The following PKNOX2 variants were observed in gnomAD, a reference collection of about 807,000 sequenced individuals.
PKNOX2 encodes PBX/knotted 1 homeobox 2, also known as homeobox protein PKNOX2.
PKNOX2 carries 14 observed loss-of-function variants against 53.1 expected under a neutral mutation model. That is an observed-to-expected ratio of 0.26 (90% CI 0.17 to 0.41). The LOEUF is 0.41. Among genes scored for constraint, PKNOX2 ranks in the 10% least tolerant of loss-of-function variants. The probability of loss-of-function intolerance (pLI) is 1.00; values close to 1 mark genes in which losing one functional copy is unlikely to be tolerated. For synonymous variants in PKNOX2, 257 were observed against 242.8 expected (o/e 1.06, Z -0.54); for missense variants, 496 against 602.8 (o/e 0.82, Z 1.85).
intron 2 of PKNOX2, among the ~76,000 whole-genome samples, chr11:125,254,543 T>A (rs1386322555): frequency 6.6e-6 from 1 of 152,214 alleles, no homozygotes; most frequent in Non-Finnish European, 1.5e-5. Flanking sequence ...CAGTTTCACA[T>A]CTATACAATG....
chr11:125,187,818 G>C (rs912773003), intron 1 of PKNOX2, among the ~76,000 whole-genome samples: 2 of 152,164 alleles, frequency 1.3e-5, no homozygotes, highest in Non-Finnish European at 2.9e-5. Context: ...TTTGATAATG[G>C]GTCACTCCTA....
chr11:125,415,934 T>C (rs1004264803), intron 10 of PKNOX2, among the ~76,000 whole-genome samples: 9 of 152,224 alleles, frequency 5.9e-5, no homozygotes, highest in Admixed American at 6.5e-5. Flanking sequence ...ACTAAGGTCT[T>C]TTTCTAATTG....
At chr11:125,327,656 C>T (rs545943665) in intron 2 of PKNOX2, among the ~76,000 whole-genome samples, 47 of 152,278 alleles carry the variant, frequency 3.1e-4, no homozygotes, top group African/African-American at 1.1e-3. Flanking sequence ...CCGCGGCCAT[C>T]AGGGGTCTCC....
chr11:125,229,822 T>C (rs1942047704), intron 1 of PKNOX2, among the ~76,000 whole-genome samples: 1 of 152,172 alleles, frequency 6.6e-6, no homozygotes, highest in African/African-American at 2.4e-5. Context: ...CTCGAGGGTT[T>C]ACCTCTGCTG....
intron 10 of PKNOX2, among the ~76,000 whole-genome samples, chr11:125,428,131 T>C (rs1956516668): frequency 6.6e-6 from 1 of 152,138 alleles, no homozygotes; most frequent in African/African-American, 2.4e-5. Flanking sequence ...GCACTGGGGA[T>C]ACATTCAGTA....
chr11:125,362,926 AC>A (rs1450397693), intron 4 of PKNOX2, among the ~76,000 whole-genome samples: 1 of 152,210 alleles, frequency 6.6e-6, no homozygotes, highest in Non-Finnish European at 1.5e-5. Context: ...TATACATCTG[AC>A]AAGCCCTGAC....
intron 4 of PKNOX2, among the ~76,000 whole-genome samples, chr11:125,358,574 C>T (rs1279848947): frequency 6.6e-6 from 1 of 152,226 alleles, no homozygotes; most frequent in African/African-American, 2.4e-5. Context: ...CCCCATTGTA[C>T]ACCACTGAGC....
intron 1 of PKNOX2, among the ~76,000 whole-genome samples, chr11:125,194,396 C>G (rs1237696046): frequency 6.6e-6 from 1 of 152,144 alleles, no homozygotes; most frequent in African/African-American, 2.4e-5. Context: ...CTCCTGAGAA[C>G]CTAGAAGATA....
At chr11:125,173,820 G>T (rs1175881173) in intron 1 of PKNOX2, among the ~76,000 whole-genome samples, 1 of 152,202 alleles carries the variant, frequency 6.6e-6, no homozygotes, top group Non-Finnish European at 1.5e-5. Context: ...GTGGTCATCA[G>T]CTCACAATCC....
chr11:125,384,305 T>C (rs1953465213), intron 5 of PKNOX2, among the ~76,000 whole-genome samples: 1 of 152,086 alleles, frequency 6.6e-6, no homozygotes, highest in East Asian at 1.9e-4. Flanking sequence ...AACAAACAAC[T>C]CAGGGACTAT....
At chr11:125,408,707 G>A (rs1955275583) in intron 7 of PKNOX2, among the ~76,000 whole-genome samples, 1 of 152,324 alleles carries the variant, frequency 6.6e-6, no homozygotes, top group African/African-American at 2.4e-5. Flanking sequence ...GGCTCTGCCA[G>A]GTTCTGTGTT....
chr11:125,371,304 C>T (rs1181956284), intron 5 of PKNOX2, among the ~76,000 whole-genome samples: 1 of 152,012 alleles, frequency 6.6e-6, no homozygotes, highest in East Asian at 1.9e-4. Flanking sequence ...GAGGGGAGGC[C>T]GGTGGAGTGA....
At chr11:125,270,016 C>A (rs151138993) in intron 2 of PKNOX2, among the ~76,000 whole-genome samples, 9 of 152,300 alleles carry the variant, frequency 5.9e-5, no homozygotes, top group East Asian at 1.9e-4. Flanking sequence ...ATGAAAATAT[C>A]CAGTTTCTGA....
rs534322327 is a variant in PKNOX2 at position 125,165,451 on chromosome 11, C to A, written c.-201+675C>A. Among the ~76,000 whole-genome samples, 1 of 152,108 alleles carries A rather than the reference C, an allele frequency of 6.6e-6. No homozygotes were observed. Among genetic ancestry groups the A allele is most frequent in the Non-Finnish European group, 1.5e-5 (1 of 67,996 alleles). On this transcript the variant is annotated intron_variant, in intron 1 of 12. Transcript: ENST00000298282. This position sits in a 1 kb window ranked among gnomAD's most constrained non-coding sequence, Gnocchi z 4.5. ...GTCCTTGGGGCCGGCGCTTACTCCG[C>A]GCCACCAGCCTGGAGATGCTTTCCA... is the stretch of plus-strand genomic sequence containing the variant.
chr11:125,305,102 A>G (rs1472328950), intron 2 of PKNOX2, among the ~76,000 whole-genome samples: 1 of 152,214 alleles, frequency 6.6e-6, no homozygotes, highest in South Asian at 2.1e-4. Context: ...CTCGTCTTGA[A>G]GATGGACAAG....
chr11:125,384,107 T>C (rs1320039325), intron 5 of PKNOX2, among the ~76,000 whole-genome samples: 1 of 152,176 alleles, frequency 6.6e-6, no homozygotes, highest in Non-Finnish European at 1.5e-5. Context: ...GCACACATAC[T>C]GTAGAAATAA....
At chr11:125,297,407 G>GTGGTGGCA (rs1387273050) in intron 2 of PKNOX2, among the ~76,000 whole-genome samples, 2 of 152,200 alleles carry the variant, frequency 1.3e-5, no homozygotes, top group East Asian at 3.8e-4. Flanking sequence ...CTCCAGTCTA[G>GTGGTGGCA]TGGTGGCAAC....
At chr11:125,282,833 T>C (rs1946653026) in intron 2 of PKNOX2, among the ~76,000 whole-genome samples, 1 of 152,222 alleles carries the variant, frequency 6.6e-6, no homozygotes, top group African/African-American at 2.4e-5. Flanking sequence ...TGTGTACAGC[T>C]GAAGGAATGA....
intron 10 of PKNOX2, among the ~76,000 whole-genome samples, chr11:125,424,013 T>C (rs1956291077): frequency 6.6e-6 from 1 of 152,084 alleles, no homozygotes; most frequent in South Asian, 2.1e-4. Context: ...AAAAACCTGA[T>C]GTCAACTAGG....
Sources: allele counts gnomAD v4.1 joint callset (sites outside exome capture counted in the v4.1 genomes callset), GRCh38; gene constraint gnomAD v4.1.1; non-coding constraint Gnocchi (gnomAD v3.1); transcripts MANE v1.5; gene names NCBI Gene and HGNC (gene_info 2026-07-23, HGNC 2026-07-21).